The following EXOC4 variants were observed in gnomAD, a reference collection of about 807,000 sequenced individuals.
EXOC4 encodes the protein SEC8-like 1.
Under a neutral mutation model 107.2 loss-of-function variants are expected in EXOC4, and 71 were observed. That is an observed-to-expected ratio of 0.66 (90% CI 0.55 to 0.81). The LOEUF is 0.81. Ranked by LOEUF, EXOC4 falls within the 30% of genes least tolerant of loss-of-function variation. The pLI, the probability that EXOC4 is intolerant of heterozygous loss-of-function variation, is 0.00. For missense variants in EXOC4, 1,108 were observed against 1,189.6 expected, an observed-to-expected ratio of 0.93 and a Z score of 1.01; for synonymous variants, 456 against 441.2, an observed-to-expected ratio of 1.03 and a Z score of -0.42.
At chr7:133,541,757 A>T (rs1027957252) in intron 9 of EXOC4, among the ~76,000 whole-genome samples, 1 of 152,052 alleles carries the variant, frequency 6.6e-6, no homozygotes, top group Non-Finnish European at 1.5e-5. Flanking sequence ...TTTGCATATT[A>T]AAGGAAAATT....
At chr7:133,827,556 G>A (rs780958038) in intron 11 of EXOC4, among the ~76,000 whole-genome samples, 8 of 152,132 alleles carry the variant, frequency 5.3e-5, no homozygotes, top group Admixed American at 1.3e-4. Context: ...ATTTTCATTT[G>A]TCTTCAGAAA....
At chr7:134,014,625 C>T (rs779723146) in intron 17 of EXOC4, among the ~76,000 whole-genome samples, 1 of 151,472 alleles carries the variant, frequency 6.6e-6, no homozygotes, top group East Asian at 1.9e-4. Flanking sequence ...TAGTAGGGGT[C>T]GAAAGGAAAT....
At chr7:133,792,834 G>A (rs369291892) in intron 10 of EXOC4, among the ~76,000 whole-genome samples, 2 of 152,038 alleles carry the variant, frequency 1.3e-5, no homozygotes, top group Admixed American at 6.6e-5. Flanking sequence ...TGCATTTATC[G>A]TTCTTCAAGA....
At chr7:133,281,289 A>AAAATAAAT (rs151247639) in intron 2 of EXOC4, among the ~76,000 whole-genome samples, 1,483 of 147,744 alleles carry the variant, frequency 0.01, 29 homozygotes, top group African/African-American at 0.035. Context: ...GTAATAATAA[A>AAAATAAAT]AAATAAATAA....
chr7:133,362,778 C>A (rs1347866016), intron 6 of EXOC4, among the ~76,000 whole-genome samples: 5 of 152,106 alleles, frequency 3.3e-5, no homozygotes, highest in African/African-American at 1.2e-4. Context: ...AGACCTGTGG[C>A]TAGATTCAGG....
intron 11 of EXOC4, among the ~76,000 whole-genome samples, chr7:133,833,174 T>C (rs1399105672): frequency 1.1e-5 from 1 of 95,000 alleles, no homozygotes; most frequent in Non-Finnish European, 2.6e-5. Context: ...CTTAACACAA[T>C]GATTTTTCTT....
At chr7:133,282,137 C>G (rs1362567232) in intron 2 of EXOC4, among the ~76,000 whole-genome samples, 1 of 152,230 alleles carries the variant, frequency 6.6e-6, no homozygotes, top group African/African-American at 2.4e-5. Context: ...CAAAGCCCCA[C>G]TTAGCTTTTC....
At chr7:133,384,460 C>G (rs1228182590) in intron 7 of EXOC4, among the ~76,000 whole-genome samples, 1 of 152,160 alleles carries the variant, frequency 6.6e-6, no homozygotes, top group Non-Finnish European at 1.5e-5. Flanking sequence ...CAGACTCATG[C>G]TGCTACCGCT....
At chr7:133,735,042 C>G (rs1795409975) in intron 10 of EXOC4, among the ~76,000 whole-genome samples, 1 of 102,542 alleles carries the variant, frequency 9.8e-6, no homozygotes, top group Non-Finnish European at 1.9e-5. Flanking sequence ...AACCCCGTCT[C>G]TGCTAAAAAA....
At chr7:133,461,733 A>T (rs771154034) in intron 7 of EXOC4, among the ~76,000 whole-genome samples, 1 of 152,338 alleles carries the variant, frequency 6.6e-6, no homozygotes, top group African/African-American at 2.4e-5. Flanking sequence ...TGGGTGTTGT[A>T]GTTGTACTCC....
At chr7:133,496,273 A>T (rs1198952480) in intron 9 of EXOC4, among the ~76,000 whole-genome samples, 1 of 151,952 alleles carries the variant, frequency 6.6e-6, no homozygotes, top group Non-Finnish European at 1.5e-5. Context: ...TTCCTGCCTT[A>T]GCCTCCCAAG....
intron 7 of EXOC4, among the ~76,000 whole-genome samples, chr7:133,433,802 T>G (rs1797907399): frequency 6.6e-6 from 1 of 152,224 alleles, no homozygotes; most frequent in African/African-American, 2.4e-5. Flanking sequence ...AAAGCTCACT[T>G]TAAAGAAATG....
intron 9 of EXOC4, among the ~76,000 whole-genome samples, chr7:133,550,982 G>T (rs1320220447): frequency 6.6e-6 from 1 of 151,766 alleles, no homozygotes; most frequent in Non-Finnish European, 1.5e-5. Flanking sequence ...AATTTCATTT[G>T]TGGACAGCAT....
intron 14 of EXOC4, among the ~76,000 whole-genome samples, chr7:133,956,513 T>C (rs1057200731): frequency 2.0e-5 from 3 of 152,156 alleles, no homozygotes; most frequent in Admixed American, 6.5e-5. Context: ...ATTCAGTGAG[T>C]TGACTGAGCA....
intron 8 of EXOC4, among the ~76,000 whole-genome samples, chr7:133,478,420 C>T (rs1799072222): frequency 6.6e-6 from 1 of 151,976 alleles, no homozygotes; most frequent in Non-Finnish European, 1.5e-5. Flanking sequence ...CAGAATTAGG[C>T]CGTTATTACA....
intron 9 of EXOC4, among the ~76,000 whole-genome samples, chr7:133,556,627 C>T (rs1800696111): frequency 6.9e-6 from 1 of 144,938 alleles, no homozygotes. Context: ...ATAAACATTT[C>T]TGCTTAGTTG....
intron 7 of EXOC4, among the ~76,000 whole-genome samples, chr7:133,421,532 A>G (rs766717583): frequency 9.9e-5 from 15 of 152,238 alleles, no homozygotes; most frequent in Non-Finnish European, 2.2e-4. Context: ...ATCTGAAGAG[A>G]GAAGGAAAGT....
At chr7:134,097,064 A>C in the EXOC4 span, among the ~76,000 whole-genome samples, 1 of 152,086 alleles carries the variant, frequency 6.6e-6, no homozygotes, top group African/African-American at 2.4e-5. Flanking sequence ...AAAAGATACA[A>C]ATTTTAAAAA....
Position 133,937,875 on chromosome 7 carries a change from C to G in EXOC4, c.2028-16C>G, listed in dbSNP as rs1302221641. 1 of 1,613,822 alleles carries G rather than the reference C, an allele frequency of 6.2e-7. No individual in the cohort carries two copies. Among genetic ancestry groups the G allele is most frequent in the South Asian group, 1.1e-5 (1 of 91,044 alleles). ...CATGCTGTATATATGAAGTGTGTTT[C>G]TGATTTGCTTTTCAGGGCAGCTTTT... On this transcript the variant is annotated splice_polypyrimidine_tract_variant and intron_variant, in intron 13 of 17. Coordinates refer to ENST00000253861, the MANE Select transcript of EXOC4 (RefSeq NM_021807.4).
Sources: gnomAD v4.1 joint callset for allele counts (sites outside exome capture counted in the v4.1 genomes callset) on GRCh38, gnomAD v4.1.1 for gene constraint, MANE v1.5 for transcripts, NCBI Gene and HGNC (gene_info 2026-07-23, HGNC 2026-07-21) for gene names.